Variants in FUBP3 observed in about 807,000 individuals in gnomAD.
The protein encoded by FUBP3 is far upstream element binding protein 3, also known as far upstream element-binding protein 3.
A neutral mutation model predicts 85.6 loss-of-function variants in FUBP3; 28 were observed. That is an observed-to-expected ratio of 0.33 (90% CI 0.24 to 0.45). The LOEUF (loss-of-function observed/expected upper bound fraction) is 0.45. Among genes scored for constraint, FUBP3 ranks in the 20% least tolerant of loss-of-function variants. The pLI is 1.00. For missense variants in FUBP3, 583 were observed against 755.1 expected (o/e 0.77, Z 2.67); for synonymous variants, 271 against 271.4 (o/e 1.00, Z 0.01).
chr9:130,628,707 G>T (rs893110431), intron 12 of FUBP3, among the ~76,000 whole-genome samples: 1 of 152,108 alleles, frequency 6.6e-6, no homozygotes, highest in African/African-American at 2.4e-5. Context: ...GGCTGGTAGG[G>T]TTCCCTCGAG....
rs964827044 is a variant in FUBP3, at chr9:130,612,958, A to G, written c.277A>G (p.Ile93Val). ...KVPDKMVGFI[I>V]GRGGEQISRI... The stretch of plus-strand genomic sequence containing the variant: ...TGACCCTGTTCAATTTGTTTCAGTT[A>G]TCGGCAGGGGAGGTGAGCAGATTTC... The change falls in exon 5 of 19, where the codon ATC (isoleucine) becomes GTC (valine). Residue 93 changes from isoleucine to valine, a missense_variant and splice_region_variant. Coordinates refer to ENST00000319725, the MANE Select transcript of FUBP3 (RefSeq NM_003934.2). The surrounding 1 kb of genome is among the most constrained non-coding windows in gnomAD (Gnocchi z 4.1). The G allele has an allele frequency of 3.7e-6, 6 of 1,609,778 alleles. No individual in the cohort carries two copies. The highest frequency in any genetic ancestry group is 5.1e-6 in the Non-Finnish European group (6 of 1,176,038).
intron 3 of FUBP3, among the ~76,000 whole-genome samples, 177 bp downstream of exon 3, chr9:130,610,164 A>G (rs1277683898): frequency 6.6e-6 from 1 of 152,238 alleles, no homozygotes; most frequent in African/African-American, 2.4e-5. Flanking sequence ...GCTCAGGGAT[A>G]AACTAATACA....
intron 13 of FUBP3, among the ~76,000 whole-genome samples, 190 bp downstream of exon 13, chr9:130,630,978 G>A (rs1830186495): frequency 6.6e-6 from 1 of 152,150 alleles, no homozygotes; most frequent in South Asian, 2.1e-4. Flanking sequence ...GCCAGGCCCA[G>A]AAGCAATGAA....
intron 9 of FUBP3, among the ~76,000 whole-genome samples, chr9:130,621,177 A>C (rs1464607945): frequency 1.3e-5 from 2 of 152,184 alleles, no homozygotes; most frequent in African/African-American, 4.8e-5. Flanking sequence ...ATGAAGGAAA[A>C]AAATGCATTT....
intron 3 of FUBP3, 144 bp downstream of exon 3, chr9:130,610,131 T>G (rs1011917058): frequency 1.5e-6 from 1 of 661,020 alleles, no homozygotes; most frequent in Non-Finnish European, 2.7e-6. Context: ...AGTTTTTTGC[T>G]AGCCATTTCT....
chr9:130,606,396 C>G (rs528336889), intron 2 of FUBP3, among the ~76,000 whole-genome samples: 91 of 152,308 alleles, frequency 6.0e-4, no homozygotes, highest in Non-Finnish European at 8.4e-4. Flanking sequence ...CCACCCCCCC[C>G]CAACAGACTC....
intron 14 of FUBP3, 126 bp from the exon 15 acceptor site, chr9:130,631,816 G>A: frequency 1.2e-6 from 1 of 846,336 alleles, no homozygotes; most frequent in Non-Finnish European, 2.0e-6. Context: ...GCGATGGGGT[G>A]GGAGCCTCTC....
intron 12 of FUBP3, among the ~76,000 whole-genome samples, chr9:130,627,618 T>C (rs969350771): frequency 6.6e-5 from 10 of 152,210 alleles, no homozygotes; most frequent in Non-Finnish European, 1.3e-4. Context: ...TTGGTATGGG[T>C]TCGTGTTCAT....
At chr9:130,608,554 A>G (rs571174379) in intron 2 of FUBP3, among the ~76,000 whole-genome samples, 3 of 152,336 alleles carry the variant, frequency 2.0e-5, no homozygotes, top group African/African-American at 7.2e-5. Context: ...TCCAGTTTTC[A>G]TGCAGAATGG....
Position 130,617,909 on chromosome 9 carries a change from ATGGGTTGGGTGAGTCC to A in FUBP3, c.666+18_666+33del, listed in dbSNP as rs748714169. ...TTTAAAGTACAGGTAGGAAAGTGCC[ATGGGTTGGGTGAGTCC>A]TGGCTGTTGGGGCTATCACTCGGTG... On this transcript the variant is annotated intron_variant, in intron 8 of 18. Coordinates refer to ENST00000319725, the MANE Select transcript of FUBP3 (RefSeq NM_003934.2). 1.4e-6 allele frequency: 2 copies of A among 1,387,976 alleles called. No homozygotes were observed. The highest frequency in any genetic ancestry group is 3.4e-5 in the Admixed American group (2 of 58,828). The allele number at this position is 1,387,976 out of a possible 1,614,324, so 86.0% of individuals were successfully genotyped here.
chr9:130,629,760 G>T (rs1830136464), intron 12 of FUBP3, among the ~76,000 whole-genome samples: 1 of 152,164 alleles, frequency 6.6e-6, no homozygotes, highest in Non-Finnish European at 1.5e-5. Context: ...ACCAGCTTTG[G>T]AGCAGATTAC....
intron 1 of FUBP3, among the ~76,000 whole-genome samples, chr9:130,586,072 C>G (rs1830324063): frequency 6.6e-6 from 1 of 152,202 alleles, no homozygotes; most frequent in African/African-American, 2.4e-5. Context: ...GATCACAGCT[C>G]AGTGCAGCCT....
At chr9:130,624,161 C>T (rs1416509466) in intron 11 of FUBP3, among the ~76,000 whole-genome samples, 1 of 152,154 alleles carries the variant, frequency 6.6e-6, no homozygotes, top group Non-Finnish European at 1.5e-5. Flanking sequence ...TGCTAGGAAC[C>T]CCTATAACTG....
chr9:130,598,171 CTCTT>C (rs1208989266), intron 2 of FUBP3, among the ~76,000 whole-genome samples: 6 of 152,180 alleles, frequency 3.9e-5, no homozygotes, highest in Non-Finnish European at 7.3e-5. Context: ...TACTGATAAT[CTCTT>C]TATTAGTGCT....
At chr9:130,605,901 ACGAAC>A (rs1414100810) in intron 2 of FUBP3, among the ~76,000 whole-genome samples, 1 of 152,116 alleles carries the variant, frequency 6.6e-6, no homozygotes, top group Non-Finnish European at 1.5e-5. Flanking sequence ...GGAGAATCGC[ACGAAC>A]CCGGGAGGCG....
chr9:130,598,946 TGAGCCCAGACATTC>T (rs1830998254), intron 2 of FUBP3, among the ~76,000 whole-genome samples: 2 of 152,200 alleles, frequency 1.3e-5, no homozygotes, highest in African/African-American at 4.8e-5. Flanking sequence ...TGGGAAAGCT[TGAGCCCAGACATTC>T]GAGGCCAGCC....
At chr9:130,618,015 A>G (rs184323049) in intron 8 of FUBP3, 120 bp downstream of exon 8, 1 of 567,172 alleles carries the variant, frequency 1.8e-6, no homozygotes, top group Admixed American at 3.3e-5. Context: ...TTGAAGGTAA[A>G]CTGTTCTCAA....
Position 130,612,893 on chromosome 9 carries a change from C to A in FUBP3, c.275-63C>A. ...TCACAGTTTGTGGAATTAATTCAGT[C>A]ATTCCTGCGTGGTGAAATATGGAAT... On this transcript the variant is annotated intron_variant, in intron 4 of 18. Coordinates refer to ENST00000319725, the MANE Select transcript of FUBP3 (RefSeq NM_003934.2). The surrounding 1 kb of genome is among the most constrained non-coding windows in gnomAD (Gnocchi z 4.1). The A allele has an allele frequency of 1.8e-6, 2 of 1,090,548 alleles. No homozygotes were observed. The highest frequency in any genetic ancestry group is 1.3e-5 in the South Asian group (1 of 78,502). 67.6% of individuals were successfully genotyped at this position (1,090,548 alleles called of 1,614,324 possible).
Position 130,616,528 on chromosome 9 carries a change from C to T in FUBP3, c.567+11C>T. On this transcript the variant is annotated intron_variant, in intron 7 of 18. Coordinates refer to ENST00000319725, the MANE Select transcript of FUBP3 (RefSeq NM_003934.2). This position sits in a 1 kb window ranked among gnomAD's most constrained non-coding sequence, Gnocchi z 4.7. ...ATCAAGCAGTTGCAGGTGTGTGAGC[C>T]CGGAGCACGGAGCACAGCGGCCGCT... is the stretch of plus-strand genomic sequence containing the variant. 1 of 1,613,654 alleles carries T rather than the reference C, an allele frequency of 6.2e-7. No homozygotes were observed. Among genetic ancestry groups the T allele is most frequent in the Non-Finnish European group, 8.5e-7 (1 of 1,179,638 alleles).
Sources: gnomAD v4.1 joint callset for allele counts (sites outside exome capture counted in the v4.1 genomes callset) on GRCh38, gnomAD v4.1.1 for gene constraint, Gnocchi (gnomAD v3.1) non-coding constraint, MANE v1.5 for transcripts, NCBI Gene and HGNC (gene_info 2026-07-23, HGNC 2026-07-21) for gene names.